LRP1B: variants seen among roughly 807,000 people sequenced by gnomAD.
The protein encoded by LRP1B is LDL receptor related protein 1B, also known as low-density lipoprotein receptor-related protein 1B.
Under a neutral mutation model 556.6 loss-of-function variants are expected in LRP1B, and 217 were observed. The observed-to-expected ratio is 0.39, with a 90% CI of 0.35 to 0.44. The LOEUF is 0.44. Among genes scored for constraint, LRP1B ranks in the 20% least tolerant of loss-of-function variants. The pLI, the probability that LRP1B is intolerant of heterozygous loss-of-function variation, is 1.00. For missense variants in LRP1B, 5,053 were observed against 5,620.8 expected (o/e 0.90, Z 3.23); for synonymous variants, 2,047 against 1,865.8 (o/e 1.10, Z -2.50).
chr2:141,629,436 C>A (rs1439792028), intron 2 of LRP1B, among the ~76,000 whole-genome samples: 1 of 152,142 alleles, frequency 6.6e-6, no homozygotes, highest in Admixed American at 6.5e-5. Context: ...TGTCTCATTT[C>A]TTAAGTATTA....
intron 3 of LRP1B, among the ~76,000 whole-genome samples, chr2:141,445,842 G>T (rs1681169169): frequency 6.6e-6 from 1 of 152,162 alleles, no homozygotes. Flanking sequence ...TTGCAATTAT[G>T]TGGTGAATTT....
chr2:141,733,047 T>TG (rs1693335728), intron 2 of LRP1B, among the ~76,000 whole-genome samples: 2 of 152,012 alleles, frequency 1.3e-5, no homozygotes, highest in South Asian at 4.1e-4. Context: ...GGATCAATGG[T>TG]GGGGTTCTAG....
chr2:141,770,072 A>G (rs1010884841), intron 2 of LRP1B, among the ~76,000 whole-genome samples: 7 of 152,188 alleles, frequency 4.6e-5, no homozygotes, highest in African/African-American at 1.7e-4. Context: ...GTCCTAAAAC[A>G]TCATACTGAT....
intron 7 of LRP1B, among the ~76,000 whole-genome samples, chr2:141,115,550 G>A (rs749420260): frequency 5.7e-5 from 8 of 141,464 alleles, no homozygotes; most frequent in African/African-American, 7.9e-5. Flanking sequence ...TCCGCCTCCC[G>A]AGTTCACGCC....
At chr2:141,870,120 T>C (rs1698534392) in intron 1 of LRP1B, among the ~76,000 whole-genome samples, 1 of 151,976 alleles carries the variant, frequency 6.6e-6, no homozygotes, top group Non-Finnish European at 1.5e-5. Context: ...CTCCTTTAAG[T>C]TCTTTAGATT....
intron 84 of LRP1B, among the ~76,000 whole-genome samples, chr2:140,280,381 G>C (rs1682865897): frequency 6.6e-6 from 1 of 151,790 alleles, no homozygotes; most frequent in Non-Finnish European, 1.5e-5. Context: ...ATTCAAGATA[G>C]AAAAGAGTGG....
At chr2:141,023,220 A>T (rs1053107407) in intron 11 of LRP1B, among the ~76,000 whole-genome samples, 1 of 151,890 alleles carries the variant, frequency 6.6e-6, no homozygotes, top group Non-Finnish European at 1.5e-5. Flanking sequence ...TAATTTCAAA[A>T]TAACTTATAT....
rs1685448879 is a variant in LRP1B at position 141,544,356 on chromosome 2, T to TTCTTCTTCTTCTTCC, written c.206-63824_206-63823insGGAAGAAGAAGAAGA. 4.1e-5 allele frequency among the ~76,000 whole-genome samples: 4 copies of TTCTTCTTCTTCTTCC among 96,830 alleles called. No individual in the cohort carries two copies. In the South Asian group the frequency reaches 1.7e-3, roughly 41 times the overall value. The allele number at this position is 96,830 out of a possible 152,430, so 63.5% of individuals were successfully genotyped here. A position where few individuals can be genotyped will look rare whatever the true frequency, so the allele number is the denominator to read the frequency against. Reference sequence around the variant, plus strand: ...CTTCTTCTTCTTCTTCTTCTTCTTCTTCTTCTTCTTCTTCTTCTTCTTCTT... The same window carrying TTCTTCTTCTTCTTCC: ...CTTCTTCTTCTTCTTCTTCTTCTTCTTCTTCTTCTTCTTCCTCTTCTTCTTCTTCTTCTTCTTCTT... On this transcript the variant is annotated intron_variant, in intron 2 of 90. Coordinates refer to ENST00000389484, the MANE Select transcript of LRP1B (RefSeq NM_018557.3).
intron 7 of LRP1B, among the ~76,000 whole-genome samples, chr2:141,066,453 A>T (rs896575866): frequency 1.2e-4 from 19 of 152,034 alleles, no homozygotes; most frequent in African/African-American, 4.3e-4. Flanking sequence ...GTGCTTACAG[A>T]GTTATGGCAC....
At chr2:140,594,882 A>G (rs2105177189) in intron 43 of LRP1B, among the ~76,000 whole-genome samples, 1 of 151,814 alleles carries the variant, frequency 6.6e-6, no homozygotes, top group Non-Finnish European at 1.5e-5. Flanking sequence ...CTCTTCTTAT[A>G]TTTCATGGTG....
intron 3 of LRP1B, among the ~76,000 whole-genome samples, chr2:141,402,526 G>A (rs1344926529): frequency 2.6e-5 from 4 of 151,586 alleles, no homozygotes; most frequent in Admixed American, 2.0e-4. Flanking sequence ...AGTGTTTGAG[G>A]TAAAAAAAAA....
intron 1 of LRP1B, among the ~76,000 whole-genome samples, chr2:141,824,363 A>ATAACCCTTC (rs1340278292): frequency 1.3e-5 from 2 of 152,170 alleles, no homozygotes; most frequent in African/African-American, 4.8e-5. Context: ...GCCTGTTCTC[A>ATAACCCTTC]TAACCCTTCA....
intron 41 of LRP1B, among the ~76,000 whole-genome samples, chr2:140,682,658 C>G (rs1685899011): frequency 7.1e-6 from 1 of 141,054 alleles, no homozygotes; most frequent in South Asian, 2.4e-4. Context: ...ACACTTTTCT[C>G]TAGCTTGAGA....
At chr2:141,602,180 T>C (rs1281854762) in intron 2 of LRP1B, among the ~76,000 whole-genome samples, 1 of 152,156 alleles carries the variant, frequency 6.6e-6, no homozygotes, top group Admixed American at 6.5e-5. Flanking sequence ...CCCTATTAGG[T>C]CTCTGAATAG....
chr2:141,088,384 A>G (rs1205730599), intron 7 of LRP1B, among the ~76,000 whole-genome samples: 1 of 152,194 alleles, frequency 6.6e-6, no homozygotes, highest in Non-Finnish European at 1.5e-5. Flanking sequence ...ACCTTTTCAA[A>G]CCCTAAAAAG....
At chr2:140,594,529 C>T (rs775428863) in intron 43 of LRP1B, among the ~76,000 whole-genome samples, 1 of 152,192 alleles carries the variant, frequency 6.6e-6, no homozygotes. Flanking sequence ...CTTCATCATA[C>T]TGCATTCGAG....
chr2:140,271,153 TAAAC>T (rs201525151), intron 85 of LRP1B, among the ~76,000 whole-genome samples: 2,498 of 150,830 alleles, frequency 0.017, 59 homozygotes, highest in African/African-American at 0.051. Context: ...TTTTTTTAAA[TAAAC>T]AAATAATTAG....
At chr2:140,510,269 T>C (rs577128951) in intron 51 of LRP1B, among the ~76,000 whole-genome samples, 9 of 152,332 alleles carry the variant, frequency 5.9e-5, no homozygotes, top group Admixed American at 2.6e-4. Context: ...ATAATTGTTA[T>C]ATTTCTTAAA....
At chr2:141,143,822 G>C (rs189543635) in intron 7 of LRP1B, among the ~76,000 whole-genome samples, 154 of 130,828 alleles carry the variant, frequency 1.2e-3, no homozygotes, top group African/African-American at 3.3e-3. Context: ...TATCTGTCAA[G>C]AGCTTTCCTA....
Sources: allele counts gnomAD v4.1 joint callset (sites outside exome capture counted in the v4.1 genomes callset), GRCh38; gene constraint gnomAD v4.1.1; transcripts MANE v1.5; gene names NCBI Gene and HGNC (gene_info 2026-07-23, HGNC 2026-07-21).